VGLL3: variants seen among roughly 807,000 people sequenced by gnomAD.
The protein encoded by VGLL3 is vestigial like family member 3.
A neutral mutation model predicts 29.2 loss-of-function variants in VGLL3; 18 were observed. That is an observed-to-expected ratio of 0.62 (90% CI 0.43 to 0.91). The LOEUF is 0.91. VGLL3 is among the 40% of genes least tolerant of loss of function. The probability of loss-of-function intolerance (pLI) is 0.00; values close to 1 mark genes in which losing one functional copy is unlikely to be tolerated. For missense variants in VGLL3, 440 were observed against 413.2 expected, an observed-to-expected ratio of 1.06 and a Z score of -0.56; for synonymous variants, 180 against 151.8, an observed-to-expected ratio of 1.19 and a Z score of -1.36.
chr3:86,947,706 T>C (rs1444008405), intron 3 of VGLL3, among the ~76,000 whole-genome samples: 1 of 152,150 alleles, frequency 6.6e-6, no homozygotes, highest in Non-Finnish European at 1.5e-5. Context: ...AAAGTGGATT[T>C]AAAAAATCAT....
rs1227845425 is a variant in VGLL3 at position 86,946,479 on chromosome 3, A to G, written c.*545T>C. The G allele has an allele frequency of 3.9e-5, 6 of 152,316 alleles. No homozygotes were observed. The highest frequency in any genetic ancestry group is 1.2e-4 in the African/African-American group (5 of 41,466). 9.4% of individuals were successfully genotyped at this position (152,316 alleles called of 1,614,324 possible). On this transcript the variant is annotated 3_prime_UTR_variant, in exon 4 of 4. Transcript: ENST00000398399. ...AGACAGAGCATATAATAGACATCTT[A>G]GAGATAAGCATTTTAAACATTTTTG...
At chr3:86,958,658 C>T (rs1260645528) in intron 3 of VGLL3, among the ~76,000 whole-genome samples, 3 of 152,192 alleles carry the variant, frequency 2.0e-5, no homozygotes, top group African/African-American at 7.2e-5. Flanking sequence ...GGCTTGAATA[C>T]TTGAAACTGA....
chr3:86,973,889 A>G (rs557437111), intron 2 of VGLL3, among the ~76,000 whole-genome samples: 1 of 152,304 alleles, frequency 6.6e-6, no homozygotes, highest in Admixed American at 6.5e-5. Flanking sequence ...GTTTTAAGTC[A>G]GTGATTTACT....
chr3:86,968,471 A>G (rs1243505264), intron 3 of VGLL3, 119 bp downstream of exon 3: 12 of 1,205,392 alleles, frequency 1.0e-5, no homozygotes, highest in Non-Finnish European at 1.2e-5. Flanking sequence ...GCTAGGTTCC[A>G]TAAACATGTT....
rs114930530 is a variant in VGLL3, at chr3:86,964,898, G to A, written c.937+3692C>T. Among the ~76,000 whole-genome samples, 1,277 of 152,192 alleles carry A rather than the reference G, an allele frequency of 8.4e-3. 7 individuals are homozygous for A. Among genetic ancestry groups the A allele is most frequent in the Non-Finnish European group, 0.014 (919 of 68,018 alleles). ...TTTTAGGCCGGCGCAAGTGGCTCAC[G>A]CCTGTAATCCCAGCACTTTGGGAGG... On this transcript the variant is annotated intron_variant, in intron 3 of 3. Transcript: ENST00000398399.
intron 3 of VGLL3, among the ~76,000 whole-genome samples, chr3:86,964,337 C>T (rs568397540): frequency 4.6e-5 from 7 of 152,236 alleles, no homozygotes; most frequent in East Asian, 3.9e-4. Context: ...ATTTTGCTAA[C>T]CCCTGGATTA....
At chr3:86,982,279 G>A (rs1705341129) in intron 1 of VGLL3, among the ~76,000 whole-genome samples, 1 of 152,026 alleles carries the variant, frequency 6.6e-6, no homozygotes, top group Admixed American at 6.6e-5. Context: ...CTAGAAGCTG[G>A]GATTACAGGT....
intron 3 of VGLL3, among the ~76,000 whole-genome samples, chr3:86,950,667 CA>C (rs1454581685): frequency 6.6e-6 from 1 of 152,076 alleles, no homozygotes; most frequent in Non-Finnish European, 1.5e-5. Context: ...AAAAATTCTC[CA>C]TTTGTCACAT....
At chr3:86,955,508 G>A (rs1688011135) in intron 3 of VGLL3, among the ~76,000 whole-genome samples, 1 of 151,376 alleles carries the variant, frequency 6.6e-6, no homozygotes, top group Non-Finnish European at 1.5e-5. Context: ...TCATGCCTCA[G>A]CCTCCCCAGT....
Position 86,941,506 on chromosome 3 carries a change from G to T in VGLL3, c.*5518C>A, listed in dbSNP as rs925137331. The T allele has an allele frequency of 1.3e-5, 2 of 151,380 alleles. No individual in the cohort carries two copies. The highest frequency in any genetic ancestry group is 4.2e-4 in the South Asian group (2 of 4,794). The allele number at this position is 151,380 out of a possible 1,614,324, so 9.4% of individuals were successfully genotyped here. A position where few individuals can be genotyped will look rare whatever the true frequency, so the allele number is the denominator to read the frequency against. On this transcript the variant is annotated 3_prime_UTR_variant, in exon 4 of 4. Transcript: ENST00000398399. ...ACTTATCCTTTTCTAAAAGGTGTCT[G>T]TTTGCTTATACAATGGAATTGGTAA...
At position 86,991,043 on chromosome 3, in the gene VGLL3, C is replaced by A; in HGVS notation, c.-300G>T. On this transcript the variant is annotated 5_prime_UTR_variant, in exon 1 of 4. Coordinates refer to ENST00000398399, the MANE Select transcript of VGLL3 (RefSeq NM_016206.4). ...CCGCTGCGCCGCTGGGGCATTACCGCGTCCGGCTCCCGCGAGGGCTGCGGC... is the reference window on the plus strand; with the variant it reads ...CCGCTGCGCCGCTGGGGCATTACCGAGTCCGGCTCCCGCGAGGGCTGCGGC... 1 of 661,256 alleles carries A rather than the reference C, an allele frequency of 1.5e-6. No individual in the cohort carries two copies. Among genetic ancestry groups the A allele is most frequent in the Non-Finnish European group, 1.9e-6 (1 of 530,314 alleles). 41.0% of individuals were successfully genotyped at this position (661,256 alleles called of 1,614,324 possible).
In VGLL3 at chr3:86,942,976, A is replaced by G. The variant is rs955229362; in HGVS notation, c.*4048T>C. 33 of 150,756 alleles carry G rather than the reference A, an allele frequency of 2.2e-4. No homozygotes were observed. Among genetic ancestry groups the G allele is most frequent in the Admixed American group, 6.0e-4 (9 of 15,060 alleles). 9.3% of individuals were successfully genotyped at this position (150,756 alleles called of 1,614,324 possible). A position where few individuals can be genotyped will look rare whatever the true frequency, so the allele number is the denominator to read the frequency against. On this transcript the variant is annotated 3_prime_UTR_variant, in exon 4 of 4. Coordinates refer to ENST00000398399, the MANE Select transcript of VGLL3 (RefSeq NM_016206.4). Reference sequence around the variant, plus strand: ...GTAGCTGTTATTTATTGAACATCTAATATGAGCTACATGATTGATCGTGTG... The same window carrying G: ...GTAGCTGTTATTTATTGAACATCTAGTATGAGCTACATGATTGATCGTGTG...
At chr3:86,990,462 G>A (rs1347839697) in intron 1 of VGLL3, 156 bp downstream of exon 1, 1 of 978,174 alleles carries the variant, frequency 1.0e-6, no homozygotes, top group South Asian at 4.7e-5. Flanking sequence ...CTCCCTTCCC[G>A]GCTCTCTCGG....
At chr3:86,976,984 T>A (rs534084193) in intron 2 of VGLL3, among the ~76,000 whole-genome samples, 1 of 152,334 alleles carries the variant, frequency 6.6e-6, no homozygotes, top group Non-Finnish European at 1.5e-5. Context: ...CACGTCCTGT[T>A]AAATAGGACA....
At chr3:86,970,801 A>G (rs979988571) in intron 2 of VGLL3, among the ~76,000 whole-genome samples, 2 of 152,110 alleles carry the variant, frequency 1.3e-5, no homozygotes, top group Admixed American at 1.3e-4. Context: ...GGGCTGGGAG[A>G]CCAAGGAGCC....
rs542149867 is a variant in VGLL3, at chr3:86,951,213, G to T, written c.938-4146C>A. ...AGAATATGATTTTCCTTAAAAACTT[G>T]AAGATTCTAAACAGTCTTAGTTCGT... On this transcript the variant is annotated intron_variant, in intron 3 of 3. Coordinates refer to ENST00000398399, the MANE Select transcript of VGLL3 (RefSeq NM_016206.4). Among the ~76,000 whole-genome samples, 37 of 152,276 alleles carry T rather than the reference G, an allele frequency of 2.4e-4. No individual in the cohort carries two copies. The East Asian group carries it at 5.2e-3, about 21-fold the overall frequency.
At chr3:86,960,069 T>A (rs1485451272) in intron 3 of VGLL3, among the ~76,000 whole-genome samples, 2 of 152,176 alleles carry the variant, frequency 1.3e-5, no homozygotes, top group African/African-American at 4.8e-5. Context: ...ATGTTTTTAA[T>A]TAATAGATTT....
At chr3:86,960,942 T>G (rs1300628322) in intron 3 of VGLL3, among the ~76,000 whole-genome samples, 6 of 39,862 alleles carry the variant, frequency 1.5e-4, no homozygotes, top group Admixed American at 4.2e-4. Context: ...GATATATATA[T>G]ATATATATAT....
chr3:86,942,166 T>C lies in VGLL3; in HGVS notation c.*4858A>G, dbSNP rs1704413366. The C allele has an allele frequency of 6.6e-6, 1 of 152,276 alleles. No homozygotes were observed. The highest frequency in any genetic ancestry group is 2.1e-4 in the South Asian group (1 of 4,824). The allele number at this position is 152,276 out of a possible 1,614,324, so 9.4% of individuals were successfully genotyped here. A position where few individuals can be genotyped will look rare whatever the true frequency, so the allele number is the denominator to read the frequency against. On this transcript the variant is annotated 3_prime_UTR_variant, in exon 4 of 4. Transcript: ENST00000398399. ...CTTATTCTGAAAGATGTCTTTTATC[T>C]TACAGGAAAGAAAAAAAATGAGTTT...
Sources: allele counts gnomAD v4.1 joint callset (sites outside exome capture counted in the v4.1 genomes callset), GRCh38; gene constraint gnomAD v4.1.1; transcripts MANE v1.5; gene names NCBI Gene and HGNC (gene_info 2026-07-23, HGNC 2026-07-21).